The following AMPH variants were observed in gnomAD, a reference collection of about 807,000 sequenced individuals.
The protein encoded by AMPH is amphiphysin.
In AMPH, 49 loss-of-function variants were observed where a neutral mutation model predicts 99.1. The observed-to-expected ratio is 0.49, with a 90% confidence interval of 0.39 to 0.63. The LOEUF (loss-of-function observed/expected upper bound fraction) is 0.63. Ranked by LOEUF, AMPH falls within the 20% of genes least tolerant of loss-of-function variation. AMPH has a pLI of 0.00. For synonymous variants in AMPH, 314 were observed against 317.3 expected, an observed-to-expected ratio of 0.99 and a Z score of 0.11; for missense variants, 759 against 863.4, an observed-to-expected ratio of 0.88 and a Z score of 1.52.
At chr7:38,499,992 T>C (rs1584172749) in intron 3 of AMPH, among the ~76,000 whole-genome samples, 1 of 152,244 alleles carries the variant, frequency 6.6e-6, no homozygotes, top group Non-Finnish European at 1.5e-5. Flanking sequence ...CATGTGGAAC[T>C]GTGAGTCCAT....
intron 1 of AMPH, among the ~76,000 whole-genome samples, chr7:38,557,013 G>A (rs570936250): frequency 2.0e-5 from 3 of 152,204 alleles, no homozygotes; most frequent in South Asian, 2.1e-4. Context: ...CATTGTCTTC[G>A]GACCACAACA....
chr7:38,532,087 C>G (rs1363378325), intron 2 of AMPH, among the ~76,000 whole-genome samples: 2 of 152,144 alleles, frequency 1.3e-5, no homozygotes, highest in Non-Finnish European at 2.9e-5. Flanking sequence ...ATTCTTCTCT[C>G]CGTAGAGCAT....
intron 1 of AMPH, among the ~76,000 whole-genome samples, chr7:38,545,492 C>T (rs982202112): frequency 6.6e-6 from 1 of 152,210 alleles, no homozygotes; most frequent in Admixed American, 6.5e-5. Context: ...AATTCTCACA[C>T]CAAAATTTCC....
chr7:38,407,160 C>A, intron 17 of AMPH, among the ~76,000 whole-genome samples: 1 of 135,430 alleles, frequency 7.4e-6, no homozygotes, highest in Admixed American at 7.4e-5. Context: ...ATATATCTAT[C>A]TATATCTATC....
intron 1 of AMPH, among the ~76,000 whole-genome samples, chr7:38,549,981 A>G (rs1324015548): frequency 2.0e-5 from 3 of 152,226 alleles, no homozygotes; most frequent in Admixed American, 2.0e-4. Context: ...GCCATAATTT[A>G]CAACACTTAA....
intron 1 of AMPH, among the ~76,000 whole-genome samples, chr7:38,579,579 G>A (rs992490099): frequency 5.3e-5 from 8 of 152,256 alleles, no homozygotes; most frequent in African/African-American, 1.4e-4. Flanking sequence ...GGTATCGGTT[G>A]GCATGAAGTG....
chr7:38,493,454 CA>C (rs1451688513), intron 4 of AMPH, among the ~76,000 whole-genome samples: 1 of 152,024 alleles, frequency 6.6e-6, no homozygotes, highest in Non-Finnish European at 1.5e-5. Flanking sequence ...TTAGTAGATA[CA>C]TTTTTTTTTT....
chr7:38,561,644 C>T (rs1055558463), intron 1 of AMPH, among the ~76,000 whole-genome samples: 2 of 152,198 alleles, frequency 1.3e-5, no homozygotes, highest in Non-Finnish European at 2.9e-5. Context: ...GTGCTGAGAA[C>T]TGAATGTTTG....
chr7:38,533,523 C>T (rs1790489620), intron 2 of AMPH, among the ~76,000 whole-genome samples: 1 of 152,040 alleles, frequency 6.6e-6, no homozygotes, highest in African/African-American at 2.4e-5. Flanking sequence ...AATGTATAAT[C>T]CCTCTTGGTA....
At chr7:38,387,222 A>C (rs768658557) in intron 20 of AMPH, among the ~76,000 whole-genome samples, 1 of 152,252 alleles carries the variant, frequency 6.6e-6, no homozygotes, top group Non-Finnish European at 1.5e-5. Flanking sequence ...TACTATGTCT[A>C]GTATCAATTA....
intron 1 of AMPH, among the ~76,000 whole-genome samples, chr7:38,601,300 A>G (rs1793238824): frequency 1.3e-5 from 2 of 152,220 alleles, no homozygotes; most frequent in Admixed American, 1.3e-4. Flanking sequence ...CATTCCCAAG[A>G]AGCAGGTGTC....
chr7:38,607,818 C>T (rs1793486640), intron 1 of AMPH, among the ~76,000 whole-genome samples: 1 of 152,178 alleles, frequency 6.6e-6, no homozygotes, highest in African/African-American at 2.4e-5. Flanking sequence ...TTCCAATACC[C>T]AGGACTTTGT....
At chr7:38,503,250 C>T (rs1243876339) in intron 3 of AMPH, among the ~76,000 whole-genome samples, 1 of 152,188 alleles carries the variant, frequency 6.6e-6, no homozygotes, top group Non-Finnish European at 1.5e-5. Context: ...CCTTTGCCAC[C>T]ATGTCTTGCC....
At chr7:38,524,559 T>G (rs1016006879) in intron 2 of AMPH, among the ~76,000 whole-genome samples, 3 of 152,110 alleles carry the variant, frequency 2.0e-5, no homozygotes, top group African/African-American at 7.2e-5. Flanking sequence ...CTGTGTAGGA[T>G]AGTGTCGTTT....
At chr7:38,628,603 T>C (rs1562870812) in intron 1 of AMPH, among the ~76,000 whole-genome samples, 4 of 152,234 alleles carry the variant, frequency 2.6e-5, no homozygotes, top group Non-Finnish European at 5.9e-5. Context: ...TGTTCATAAT[T>C]ATGAAGTGAA....
intron 1 of AMPH, among the ~76,000 whole-genome samples, chr7:38,570,304 T>C (rs189539651): frequency 2.0e-5 from 3 of 152,318 alleles, no homozygotes; most frequent in Admixed American, 2.0e-4. Flanking sequence ...TGAGACAACA[T>C]ATGATCATCC....
At chr7:38,603,916 G>A (rs562725272) in intron 1 of AMPH, among the ~76,000 whole-genome samples, 1 of 152,342 alleles carries the variant, frequency 6.6e-6, no homozygotes, top group Admixed American at 6.5e-5. Context: ...TGACAAATCT[G>A]ACAAACATGT....
intron 11 of AMPH, among the ~76,000 whole-genome samples, chr7:38,447,287 G>C (rs1786824588): frequency 6.6e-6 from 1 of 152,240 alleles, no homozygotes; most frequent in East Asian, 1.9e-4. Context: ...CCAAAGTGCT[G>C]GGAGTACAGG....
intron 1 of AMPH, among the ~76,000 whole-genome samples, chr7:38,579,911 A>G (rs930048373): frequency 1.3e-5 from 2 of 152,198 alleles, no homozygotes; most frequent in Admixed American, 6.5e-5. Flanking sequence ...GAAAATGTAC[A>G]CAATGTTCGC....
Sources: allele counts gnomAD v4.1 joint callset (sites outside exome capture counted in the v4.1 genomes callset), GRCh38; gene constraint gnomAD v4.1.1; transcripts MANE v1.5; gene names NCBI Gene and HGNC (gene_info 2026-07-23, HGNC 2026-07-21).